The following SHANK2 variants were observed in gnomAD, a reference collection of about 807,000 sequenced individuals.
SHANK2 encodes the protein SH3 and multiple ankyrin repeat domains 2, also known as SH3 and multiple ankyrin repeat domains protein 2.
A neutral mutation model predicts 133.7 loss-of-function variants in SHANK2; 43 were observed. The observed-to-expected ratio is 0.32, with a 90% CI of 0.25 to 0.41. SHANK2 has a LOEUF of 0.41. Among genes scored for constraint, SHANK2 ranks in the 10% least tolerant of loss-of-function variants. SHANK2 has a pLI of 1.00. For missense variants in SHANK2, 1,994 were observed against 2,235.8 expected, an observed-to-expected ratio of 0.89 and a Z score of 2.18; for synonymous variants, 1,017 against 952.8, an observed-to-expected ratio of 1.07 and a Z score of -1.24.
rs557529349 is a variant in SHANK2 at position 70,706,464 on chromosome 11, G to A, written c.1778-7701C>T. Among the ~76,000 whole-genome samples, 4 of 152,264 alleles carry A rather than the reference G, an allele frequency of 2.6e-5. No individual in the cohort carries two copies. In the South Asian group the frequency reaches 8.3e-4, roughly 32 times the overall value. ...ATTACAGCTCCAGCTGGGGATTGCC[G>A]AGGCAGGGGACACAGCCCTGGCTGG... On this transcript the variant is annotated intron_variant, in intron 14 of 25. Coordinates refer to ENST00000601538, the MANE Select transcript of SHANK2 (RefSeq NM_012309.5).
At chr11:70,909,632 G>A (rs577912167) in intron 10 of SHANK2, among the ~76,000 whole-genome samples, 10 of 152,128 alleles carry the variant, frequency 6.6e-5, no homozygotes, top group Non-Finnish European at 1.3e-4. Context: ...GGAAGGCCCT[G>A]TCCATTCGAT....
intron 17 of SHANK2, among the ~76,000 whole-genome samples, chr11:70,616,775 C>T (rs781939585): frequency 3.3e-5 from 5 of 152,276 alleles, no homozygotes; most frequent in Non-Finnish European, 7.4e-5. Flanking sequence ...TCTCCCTGGC[C>T]CAGGGGACTC....
chr11:70,659,763 ACGACCCTCTCCCCGAGAGT>A, intron 17 of SHANK2, 46 bp downstream of exon 17: 1 of 1,601,974 alleles, frequency 6.2e-7, no homozygotes, highest in Non-Finnish European at 8.5e-7. Flanking sequence ...TGCCAGGACT[ACGACCCTCTCCCCGAGAGT>A]CGGCGCTCTC....
At chr11:70,829,478 C>T (rs1555057835) in intron 11 of SHANK2, among the ~76,000 whole-genome samples, 2 of 152,188 alleles carry the variant, frequency 1.3e-5, no homozygotes, top group Non-Finnish European at 2.9e-5. Context: ...ATACGGCTGG[C>T]TTCCACCCCT....
At chr11:70,949,592 C>A (rs7395247) in intron 10 of SHANK2, among the ~76,000 whole-genome samples, 1 of 152,142 alleles carries the variant, frequency 6.6e-6, no homozygotes, top group African/African-American at 2.4e-5. Flanking sequence ...GGGCTCCAGA[C>A]TAGGGCACCA....
intron 10 of SHANK2, among the ~76,000 whole-genome samples, chr11:70,905,194 G>C (rs1555077681): frequency 6.6e-6 from 1 of 152,144 alleles, no homozygotes; most frequent in Non-Finnish European, 1.5e-5. Flanking sequence ...GGGCTGTCTG[G>C]TTGGTCCTCG....
intron 21 of SHANK2, among the ~76,000 whole-genome samples, chr11:70,497,186 G>A (rs1288875125): frequency 6.6e-6 from 1 of 152,206 alleles, no homozygotes; most frequent in Non-Finnish European, 1.5e-5. Context: ...GTCTCTTGGG[G>A]ACGTGGCCAG....
At chr11:70,893,600 A>C (rs1459839765) in intron 11 of SHANK2, among the ~76,000 whole-genome samples, 1 of 152,208 alleles carries the variant, frequency 6.6e-6, no homozygotes, top group African/African-American at 2.4e-5. Context: ...TGTTGATGCC[A>C]GTTTGCTAGT....
Position 71,123,917 on chromosome 11 carries a change from C to T in SHANK2, c.208-4885G>A, listed in dbSNP as rs557402408. 3.3e-5 allele frequency among the ~76,000 whole-genome samples: 5 copies of T among 152,020 alleles called. No homozygotes were observed. In the East Asian group the frequency reaches 7.8e-4, roughly 24 times the overall value. ...CAGGACAGGAGTGGGTGAGAGGACA[C>T]GAAGATGACCAAGATGTGCTCTTGC... On this transcript the variant is annotated intron_variant, in intron 3 of 25. Coordinates refer to ENST00000601538, the MANE Select transcript of SHANK2 (RefSeq NM_012309.5).
intron 1 of SHANK2, among the ~76,000 whole-genome samples, chr11:71,238,553 A>T (rs1591045831): frequency 6.6e-6 from 1 of 152,152 alleles, no homozygotes; most frequent in Non-Finnish European, 1.5e-5. Context: ...AGGAAAATGA[A>T]CCCAACACTC....
chr11:70,918,463 G>A (rs1950300704), intron 10 of SHANK2, among the ~76,000 whole-genome samples: 2 of 152,346 alleles, frequency 1.3e-5, no homozygotes, highest in South Asian at 4.1e-4. Context: ...TGGAATTGGG[G>A]AAGAATGTGC....
chr11:70,474,583 C>T (rs1223500542), intron 25 of SHANK2: 1 of 152,296 alleles, frequency 6.6e-6, no homozygotes, highest in East Asian at 1.9e-4. Flanking sequence ...ACCAAGAGAA[C>T]TGCCACTCTG....
At chr11:70,632,034 G>A (rs782554864) in intron 17 of SHANK2, 15 of 152,220 alleles carry the variant, frequency 9.9e-5, no homozygotes, top group African/African-American at 3.6e-4. Flanking sequence ...CAATGGAAAG[G>A]TTCACTCTGT....
intron 14 of SHANK2, among the ~76,000 whole-genome samples, chr11:70,794,301 T>C (rs1195832877): frequency 2.7e-5 from 4 of 147,150 alleles, no homozygotes; most frequent in African/African-American, 7.5e-5. Context: ...AAACAACATA[T>C]AAACCACTGA....
At chr11:70,610,663 C>T (rs12421725) in intron 17 of SHANK2, among the ~76,000 whole-genome samples, 34,685 of 152,186 alleles carry the variant, frequency 0.23, 4,091 homozygotes, top group African/African-American at 0.28. Context: ...TCGGCTCCAG[C>T]GGATGGGACA....
At chr11:70,789,188 G>A (rs1234632059) in intron 14 of SHANK2, among the ~76,000 whole-genome samples, 15 of 152,224 alleles carry the variant, frequency 9.9e-5, no homozygotes, top group East Asian at 3.9e-4. Flanking sequence ...TACACAACAC[G>A]TGTTTCCTTA....
intron 11 of SHANK2, among the ~76,000 whole-genome samples, chr11:70,858,394 C>T (rs528350227): frequency 2.6e-5 from 4 of 152,298 alleles, no homozygotes; most frequent in South Asian, 2.1e-4. Context: ...GTGTGCCATG[C>T]AAAAGCCCAT....
intron 2 of SHANK2, among the ~76,000 whole-genome samples, chr11:71,166,461 C>CA (rs1953151500): frequency 6.6e-6 from 1 of 151,538 alleles, no homozygotes; most frequent in Non-Finnish European, 1.5e-5. Flanking sequence ...GTTTACCTTC[C>CA]AATCCACACG....
chr11:70,897,132 T>C (rs994324895), intron 10 of SHANK2, among the ~76,000 whole-genome samples: 24 of 152,288 alleles, frequency 1.6e-4, no homozygotes, highest in African/African-American at 4.6e-4. Flanking sequence ...ACTCCGGCCC[T>C]ACAGATCTGT....
Sources: gnomAD v4.1 joint callset for allele counts (sites outside exome capture counted in the v4.1 genomes callset) on GRCh38, gnomAD v4.1.1 for gene constraint, MANE v1.5 for transcripts, NCBI Gene and HGNC (gene_info 2026-07-23, HGNC 2026-07-21) for gene names.